NALCN: variants seen among roughly 807,000 people sequenced by gnomAD.
NALCN encodes the protein sodium leak channel NALCN.
Under a neutral mutation model 225.3 loss-of-function variants are expected in NALCN, and 111 were observed. The ratio of observed to expected loss-of-function variants is 0.49; its 90% CI spans 0.42 to 0.58. NALCN has a LOEUF of 0.58. Ranked by LOEUF, NALCN falls within the 20% of genes least tolerant of loss-of-function variation. The pLI, the probability that NALCN is intolerant of heterozygous loss-of-function variation, is 0.00. For synonymous variants in NALCN, 764 were observed against 769.0 expected (o/e 0.99, Z 0.11); for missense variants, 1,378 against 2,202.4 (o/e 0.63, Z 7.49).
At chr13:101,393,607 G>A (rs528995378) in intron 3 of NALCN, among the ~76,000 whole-genome samples, 15 of 152,206 alleles carry the variant, frequency 9.9e-5, no homozygotes, top group Middle Eastern at 6.8e-3. Context: ...ACCTGAGGTC[G>A]GGAGTTCAAG....
At chr13:101,416,141 G>A (rs1594805367) in intron 1 of NALCN, among the ~76,000 whole-genome samples, 172 bp downstream of exon 1, 1 of 138,664 alleles carries the variant, frequency 7.2e-6, no homozygotes, top group African/African-American at 2.6e-5. Context: ...CCTCCCCCGC[G>A]CGGGGCCCCC....
intron 6 of NALCN, among the ~76,000 whole-genome samples, chr13:101,349,170 T>G (rs3858788): frequency 0.46 from 69,177 of 151,914 alleles, 16,245 homozygotes; most frequent in African/African-American, 0.55. Context: ...CTTACTCACA[T>G]ATTTCTTGAA....
rs529864989 is a variant in NALCN, at chr13:101,198,472, T to C, written c.1627-6418A>G. The stretch of plus-strand genomic sequence containing the variant: ...GAAAACAAACAACCCCATCAAAAAG[T>C]GGGCAAAGGATTTGAACAGACACTT... On this transcript the variant is annotated intron_variant, in intron 13 of 43. Transcript: ENST00000251127. 9.2e-5 allele frequency among the ~76,000 whole-genome samples: 14 copies of C among 152,268 alleles called. No homozygotes were observed. In the South Asian group the frequency reaches 1.2e-3, roughly 14 times the overall value.
At chr13:101,100,969 C>CTTCTA (rs2034778414) in intron 26 of NALCN, 81 bp from the exon 27 acceptor site, 4 of 1,063,160 alleles carry the variant, frequency 3.8e-6, no homozygotes, top group African/African-American at 1.6e-5. Flanking sequence ...ATAAATAGGA[C>CTTCTA]TTCTAAGATA....
At chr13:101,314,277 G>A (rs476853) in intron 7 of NALCN, among the ~76,000 whole-genome samples, 89,635 of 151,466 alleles carry the variant, frequency 0.59, 26,869 homozygotes, top group East Asian at 0.78. Flanking sequence ...AAACCTGCAC[G>A]TTGTGCACAT....
chr13:101,154,187 T>C (rs1046214997), intron 15 of NALCN, among the ~76,000 whole-genome samples: 8 of 152,144 alleles, frequency 5.3e-5, no homozygotes, highest in African/African-American at 1.4e-4. Flanking sequence ...TATTATGCAA[T>C]GTCATCGATG....
intron 13 of NALCN, among the ~76,000 whole-genome samples, chr13:101,194,212 A>G (rs1265811141): frequency 5.9e-5 from 9 of 152,104 alleles, no homozygotes; most frequent in Admixed American, 5.2e-4. Flanking sequence ...GGGCAAGAGC[A>G]CTGGGGTTAT....
chr13:101,143,347 C>A (rs1477283534), intron 16 of NALCN, 126 bp from the exon 17 acceptor site: 1 of 931,798 alleles, frequency 1.1e-6, no homozygotes, highest in Admixed American at 3.4e-5. Flanking sequence ...AAAACTAGAT[C>A]ATGACTAAAA....
intron 14 of NALCN, among the ~76,000 whole-genome samples, chr13:101,178,872 G>A (rs1242970547): frequency 4.6e-5 from 7 of 152,200 alleles, no homozygotes; most frequent in Non-Finnish European, 1.5e-5. Flanking sequence ...CAGATTGCCA[G>A]TGATGTGCAT....
chr13:101,112,848 C>T (rs1314910715), intron 18 of NALCN, among the ~76,000 whole-genome samples: 2 of 152,072 alleles, frequency 1.3e-5, no homozygotes, highest in African/African-American at 4.8e-5. Flanking sequence ...AATAGCAGCT[C>T]TTATGATACA....
chr13:101,220,265 T>C (rs955154047), intron 13 of NALCN, among the ~76,000 whole-genome samples: 1 of 152,196 alleles, frequency 6.6e-6, no homozygotes, highest in Non-Finnish European at 1.5e-5. Flanking sequence ...AATACTGTAA[T>C]TAACCAACCT....
At chr13:101,206,889 T>C (rs1462850851) in intron 13 of NALCN, among the ~76,000 whole-genome samples, 2 of 152,008 alleles carry the variant, frequency 1.3e-5, no homozygotes, top group Non-Finnish European at 2.9e-5. Flanking sequence ...TATTTTATCA[T>C]CACCATTTCT....
intron 18 of NALCN, among the ~76,000 whole-genome samples, chr13:101,115,903 T>C (rs977483685): frequency 3.3e-5 from 5 of 152,174 alleles, no homozygotes; most frequent in African/African-American, 1.2e-4. Flanking sequence ...TATAAAAAAC[T>C]GGCCTGCCTC....
intron 7 of NALCN, among the ~76,000 whole-genome samples, chr13:101,298,496 A>T (rs1213543855): frequency 6.6e-6 from 1 of 152,002 alleles, no homozygotes; most frequent in African/African-American, 2.4e-5. Flanking sequence ...TAAGTTTTGT[A>T]TTTTTAGTAG....
intron 7 of NALCN, among the ~76,000 whole-genome samples, chr13:101,328,565 G>T (rs969043861): frequency 2.0e-5 from 3 of 152,146 alleles, no homozygotes; most frequent in South Asian, 2.1e-4. Context: ...GCCATGGAAT[G>T]AATATAGACA....
At chr13:101,120,557 T>G (rs958248568) in intron 18 of NALCN, among the ~76,000 whole-genome samples, 2 of 151,790 alleles carry the variant, frequency 1.3e-5, no homozygotes, top group Non-Finnish European at 2.9e-5. Context: ...GTCAGTTGTA[T>G]TTGTTTGTTA....
At position 101,104,145 on chromosome 13, in the gene NALCN, G is replaced by T; in HGVS notation, c.2889+150C>A. The T allele has an allele frequency of 2.6e-6, 2 of 769,216 alleles. No individual in the cohort carries two copies. The highest frequency in any genetic ancestry group is 3.9e-6 in the Non-Finnish European group (2 of 508,748). 47.6% of individuals were successfully genotyped at this position (769,216 alleles called of 1,614,324 possible). A position where few individuals can be genotyped will look rare whatever the true frequency, so the allele number is the denominator to read the frequency against. On this transcript the variant is annotated intron_variant, in intron 25 of 43. Transcript: ENST00000251127. This position sits in a 1 kb window ranked among gnomAD's most constrained non-coding sequence, Gnocchi z 4.2. ...GATTTTACATGCATGGCCCTTATTT[G>T]CATATAATGAACTACTCTAGAGTCC...
intron 13 of NALCN, among the ~76,000 whole-genome samples, chr13:101,225,706 G>A (rs1259718780): frequency 6.6e-6 from 1 of 152,096 alleles, no homozygotes. Context: ...CAACCAATCA[G>A]GCCTAGTAAG....
chr13:101,189,561 G>T (rs1487093323), intron 14 of NALCN, among the ~76,000 whole-genome samples: 4 of 152,194 alleles, frequency 2.6e-5, no homozygotes, highest in Admixed American at 6.5e-5. Flanking sequence ...AGAGATCAGG[G>T]AAGTTATGTG....
Sources: allele counts gnomAD v4.1 joint callset (sites outside exome capture counted in the v4.1 genomes callset), GRCh38; gene constraint gnomAD v4.1.1; non-coding constraint Gnocchi (gnomAD v3.1); transcripts MANE v1.5; gene names NCBI Gene and HGNC (gene_info 2026-07-23, HGNC 2026-07-21).